Variants in CDYL2 observed in about 807,000 individuals in gnomAD.
CDYL2 encodes the protein chromodomain Y-like protein 2.
CDYL2 carries 23 observed loss-of-function variants against 49.4 expected under a neutral mutation model. That is an observed-to-expected ratio of 0.47 (90% CI 0.34 to 0.66). The LOEUF (loss-of-function observed/expected upper bound fraction) is 0.66, where lower values mean the gene tolerates loss of function less well. Ranked by LOEUF, CDYL2 falls within the 30% of genes least tolerant of loss-of-function variation. The pLI is 0.01. For synonymous variants in CDYL2, 360 were observed against 268.8 expected (o/e 1.34, Z -3.32); for missense variants, 678 against 656.4 (o/e 1.03, Z -0.36).
intron 1 of CDYL2, among the ~76,000 whole-genome samples, chr16:80,714,635 C>T (rs1288712709): frequency 6.6e-6 from 1 of 152,156 alleles, no homozygotes; most frequent in South Asian, 2.1e-4. Context: ...GCCAATGACC[C>T]TATCCCCGAC....
chr16:80,725,680 T>C (rs760830429), intron 1 of CDYL2, among the ~76,000 whole-genome samples: 4 of 152,248 alleles, frequency 2.6e-5, no homozygotes, highest in Non-Finnish European at 4.4e-5. Context: ...ACGACTGACC[T>C]GAGAAACCCT....
intron 2 of CDYL2, among the ~76,000 whole-genome samples, chr16:80,672,017 A>AT (rs893363157): frequency 2.4e-4 from 37 of 152,172 alleles, no homozygotes; most frequent in African/African-American, 7.5e-4. Flanking sequence ...TGGATTTCTG[A>AT]TTTTTTCTGA....
intron 1 of CDYL2, among the ~76,000 whole-genome samples, chr16:80,777,064 C>T (rs926303936): frequency 6.6e-6 from 1 of 152,010 alleles, no homozygotes; most frequent in Non-Finnish European, 1.5e-5. Flanking sequence ...TCAGGCAATC[C>T]GTCCGCCTTG....
chr16:80,739,546 G>T (rs971107618), intron 1 of CDYL2, among the ~76,000 whole-genome samples: 1 of 152,152 alleles, frequency 6.6e-6, no homozygotes, highest in Non-Finnish European at 1.5e-5. Context: ...AAGCCCCAGC[G>T]GGGCAGATTC....
rs184381882 is a variant in CDYL2 at position 80,713,687 on chromosome 16, C to T, written c.25-28558G>A. On this transcript the variant is annotated intron_variant, in intron 1 of 6. Transcript: ENST00000570137. ...CCCATCAACTGGTAGGGTCTATGCC[C>T]CCTCCCCTTGAACTGGGTGTACATT... Among the ~76,000 whole-genome samples, 6 of 152,220 alleles carry T rather than the reference C, an allele frequency of 3.9e-5. No individual in the cohort carries two copies. The East Asian group carries it at 7.7e-4, about 20-fold the overall frequency.
At chr16:80,771,618 T>C (rs1330837348) in intron 1 of CDYL2, among the ~76,000 whole-genome samples, 2 of 151,906 alleles carry the variant, frequency 1.3e-5, no homozygotes, top group Admixed American at 1.3e-4. Flanking sequence ...GGCAGGAGAA[T>C]CACCTGAACG....
chr16:80,791,224 G>A (rs1907598009), intron 1 of CDYL2, among the ~76,000 whole-genome samples: 1 of 152,300 alleles, frequency 6.6e-6, no homozygotes, highest in African/African-American at 2.4e-5. Context: ...AAAGACATAG[G>A]AAACACATTC....
chr16:80,761,306 A>T (rs1567598340), intron 1 of CDYL2, among the ~76,000 whole-genome samples: 1 of 152,184 alleles, frequency 6.6e-6, no homozygotes, highest in Non-Finnish European at 1.5e-5. Flanking sequence ...GACCTGTGTG[A>T]CTTTGGAAAA....
chr16:80,633,077 C>G lies in CDYL2; in HGVS notation c.776G>C (p.Gly259Ala). 2 of 1,614,170 alleles carry G rather than the reference C, an allele frequency of 1.2e-6. No individual in the cohort carries two copies. The highest frequency in any genetic ancestry group is 1.7e-5 in the Admixed American group (1 of 60,020). ...FRDIVVRKEE[G>A]FTHILLSSQT... is the part of the protein sequence containing the mutation. ...ACTGGACAGCAGGATGTGCGTGAAC[C>G]CTTCTTCCTTCCGCACAACGATGTC... The change falls in exon 3 of 7, where the codon GGG (glycine) becomes GCG (alanine). Residue 259 changes from glycine (G) to alanine (A), a missense_variant. This residue lies in a region of CDYL2 where 478 missense variants were observed against 427.0 expected (regional missense o/e 1.12). Transcript: ENST00000570137.
chr16:80,659,681 G>T (rs1412051938), intron 2 of CDYL2, among the ~76,000 whole-genome samples: 1 of 151,764 alleles, frequency 6.6e-6, no homozygotes, highest in African/African-American at 2.4e-5. Context: ...AAAAAAACTG[G>T]TTAATCAGAA....
chr16:80,694,071 G>C (rs1910525087), intron 1 of CDYL2, among the ~76,000 whole-genome samples: 1 of 152,222 alleles, frequency 6.6e-6, no homozygotes, highest in Non-Finnish European at 1.5e-5. Flanking sequence ...CAGTCTCATG[G>C]AAGACAATTT....
rs189361118 is a variant in CDYL2 at position 80,793,505 on chromosome 16, G to A, written c.24+10645C>T. ...CAGGAAGCACTCAATGAAGTTCATT[G>A]CAGGAAGGCTAAGGTGGCCTGGAAG... is the stretch of plus-strand genomic sequence containing the variant. On this transcript the variant is annotated intron_variant, in intron 1 of 6. Transcript: ENST00000570137. Among the ~76,000 whole-genome samples the A allele has an allele frequency of 1.2e-4, 18 of 152,332 alleles. No individual in the cohort carries two copies. In the East Asian group the frequency reaches 3.5e-3, roughly 29 times the overall value.
At chr16:80,646,441 C>T (rs1026507699) in intron 2 of CDYL2, among the ~76,000 whole-genome samples, 2 of 152,066 alleles carry the variant, frequency 1.3e-5, no homozygotes, top group African/African-American at 4.8e-5. Flanking sequence ...TAAATAATAA[C>T]ATTGAATGTG....
At chr16:80,701,204 C>T (rs1428467798) in intron 1 of CDYL2, among the ~76,000 whole-genome samples, 1 of 152,162 alleles carries the variant, frequency 6.6e-6, no homozygotes, top group African/African-American at 2.4e-5. Flanking sequence ...CAAGACAGAG[C>T]TATATGTCTT....
Position 80,633,032 on chromosome 16 carries a change from G to A in CDYL2, c.821C>T (p.Ala274Val). The change falls in exon 3 of 7, where the codon GCC (alanine) becomes GTC (valine). Residue 274 changes from alanine to valine, a missense_variant. Ala to Val is a moderately conservative substitution (Grantham distance 64, BLOSUM62 0). Transcript: ENST00000570137. ...LLSSQTSDNNALTPEIMKEVR... is the reference protein window; with the variant it reads ...LLSSQTSDNNVLTPEIMKEVR... The stretch of plus-strand genomic sequence containing the variant: ...GCCACCCCTTACCTCAGGTGTCAGG[G>A]CATTGTTATCCGAGGTCTGACTGGA... The A allele has an allele frequency of 6.2e-7, 1 of 1,614,072 alleles. No homozygotes were observed. The highest frequency in any genetic ancestry group is 8.5e-7 in the Non-Finnish European group (1 of 1,179,920).
intron 2 of CDYL2, among the ~76,000 whole-genome samples, chr16:80,651,191 T>A (rs1018569768): frequency 5.9e-5 from 9 of 152,160 alleles, no homozygotes; most frequent in African/African-American, 1.9e-4. Context: ...ATGCATTGCA[T>A]CCCTGTATCA....
chr16:80,612,495 G>T lies in CDYL2; in HGVS notation c.1218+131C>A, dbSNP rs1906642691. On this transcript the variant is annotated intron_variant, in intron 5 of 6. Coordinates refer to ENST00000570137, the MANE Select transcript of CDYL2 (RefSeq NM_152342.4). The surrounding 1 kb of genome is among the most constrained non-coding windows in gnomAD (Gnocchi z 5.0). ...TCCATCTGGCACTGAAGGTGTGAAGGACATGAGGCAGCCAAGCCAATCTGC... is the reference window on the plus strand; with the variant it reads ...TCCATCTGGCACTGAAGGTGTGAAGTACATGAGGCAGCCAAGCCAATCTGC... 4 of 834,826 alleles carry T rather than the reference G, an allele frequency of 4.8e-6. No individual in the cohort carries two copies. The highest frequency in any genetic ancestry group is 7.5e-6 in the Non-Finnish European group (4 of 534,422). The allele number at this position is 834,826 out of a possible 1,614,324, so 51.7% of individuals were successfully genotyped here.
chr16:80,700,222 A>T (rs1904293749), intron 1 of CDYL2, among the ~76,000 whole-genome samples: 1 of 152,216 alleles, frequency 6.6e-6, no homozygotes, highest in African/African-American at 2.4e-5. Flanking sequence ...TTCCAGATAA[A>T]TTAGAAAGTT....
chr16:80,744,558 C>T (rs1423672472), intron 1 of CDYL2, among the ~76,000 whole-genome samples: 1 of 152,166 alleles, frequency 6.6e-6, no homozygotes, highest in East Asian at 1.9e-4. Context: ...TTTATTTAAT[C>T]CTCCCAACAA....
Sources: allele counts gnomAD v4.1 joint callset (sites outside exome capture counted in the v4.1 genomes callset), GRCh38; gene constraint gnomAD v4.1.1; regional missense constraint gnomAD v4.1.1; non-coding constraint Gnocchi (gnomAD v3.1); transcripts MANE v1.5; gene names NCBI Gene and HGNC (gene_info 2026-07-23, HGNC 2026-07-21).